LAMC3: variants seen among roughly 807,000 people sequenced by gnomAD.
LAMC3 encodes laminin subunit gamma-3.
Under a neutral mutation model 173.8 loss-of-function variants are expected in LAMC3, and 128 were observed. The observed-to-expected ratio is 0.74, with a 90% CI of 0.64 to 0.85. The LOEUF is 0.85. Ranked by LOEUF, LAMC3 falls within the 40% of genes least tolerant of loss-of-function variation. The probability of loss-of-function intolerance (pLI) is 0.00; values close to 1 mark genes in which losing one functional copy is unlikely to be tolerated. For synonymous variants in LAMC3, 897 were observed against 909.1 expected (o/e 0.99, Z 0.24); for missense variants, 2,022 against 2,156.0 (o/e 0.94, Z 1.23).
chr9:131,062,625 T>C (rs903356123), intron 13 of LAMC3, among the ~76,000 whole-genome samples: 10 of 152,114 alleles, frequency 6.6e-5, no homozygotes, highest in African/African-American at 2.4e-4. Context: ...TCTCAGCACT[T>C]TGCGAGGCTG....
chr9:131,024,963 G>T (rs192646429), intron 1 of LAMC3, among the ~76,000 whole-genome samples: 2 of 152,206 alleles, frequency 1.3e-5, no homozygotes, highest in East Asian at 3.9e-4. Flanking sequence ...CTGTGAGGAG[G>T]GGGTACCTGG....
At position 131,082,114 on chromosome 9, in the gene LAMC3, C is replaced by T. The variant is rs770508488; in HGVS notation, c.3983C>T (p.Ala1328Val). Residue 1328 changes from alanine (A) to valine (V), a missense_variant, in exon 24 of 28, where the codon GCG (alanine) becomes GTG (valine). Ala to Val is a moderately conservative substitution (Grantham distance 64, BLOSUM62 0). Transcript: ENST00000361069. ...CAGGCTTCCTCATCTGTCCAGGCTG[C>T]GACAGTGACTGTCATGGGAGCCAGG... ...LTQASSSVQA[A>V]TVTVMGARTL... is the part of the protein sequence containing the mutation. 7 of 1,613,740 alleles carry T rather than the reference C, an allele frequency of 4.3e-6. No homozygotes were observed. The highest frequency in any genetic ancestry group is 1.3e-5 in the African/African-American group (1 of 74,928).
At chr9:131,078,117 A>G (rs189975726) in intron 22 of LAMC3, among the ~76,000 whole-genome samples, 3 of 152,212 alleles carry the variant, frequency 2.0e-5, no homozygotes, top group Admixed American at 1.3e-4. Context: ...ATCGCCTTAT[A>G]CTCATCACCT....
chr9:131,049,206 G>A lies in LAMC3; in HGVS notation c.1630+76G>A, dbSNP rs974528221. 5.8e-6 allele frequency: 5 copies of A among 856,894 alleles called. No homozygotes were observed. In the East Asian group the frequency reaches 1.1e-4, roughly 18 times the overall value. 53.1% of individuals were successfully genotyped at this position (856,894 alleles called of 1,614,324 possible). A position where few individuals can be genotyped will look rare whatever the true frequency, so the allele number is the denominator to read the frequency against. On this transcript the variant is annotated intron_variant, in intron 9 of 27. Coordinates refer to ENST00000361069, the MANE Select transcript of LAMC3 (RefSeq NM_006059.4). The stretch of plus-strand genomic sequence containing the variant: ...CTGCTAAACAACTTGCCGCATATTA[G>A]AGGCTGAAAACAATGCCAGTTTATT...
At position 131,082,164 on chromosome 9, in the gene LAMC3, A is replaced by G; in HGVS notation, c.4030+3A>G. 6.2e-7 allele frequency: 1 copy of G among 1,607,078 alleles called. No individual in the cohort carries two copies. Among genetic ancestry groups the G allele is most frequent in the South Asian group, 1.1e-5 (1 of 90,628 alleles). ...GACTCTGCTGGCTGATCTGGAAGGT[A>G]CGTGAGTCCAGCTGACCACTAGGCT... On this transcript the variant is annotated splice_donor_region_variant and intron_variant, in intron 24 of 27. Coordinates refer to ENST00000361069, the MANE Select transcript of LAMC3 (RefSeq NM_006059.4).
At chr9:131,032,231 G>C (rs946821828) in intron 3 of LAMC3, 56 bp downstream of exon 3, 1 of 609,580 alleles carries the variant, frequency 1.6e-6, no homozygotes, top group Admixed American at 2.0e-5. Context: ...ACCCGAGAGC[G>C]GAAGGTGGCT....
At chr9:131,013,894 G>C (rs116826851) in intron 1 of LAMC3, among the ~76,000 whole-genome samples, 1 of 152,222 alleles carries the variant, frequency 6.6e-6, no homozygotes, top group Non-Finnish European at 1.5e-5. Context: ...CCTTGGCTCC[G>C]TTCTGTCTTC....
chr9:131,046,516 G>GTTTTTTTTT (rs1443313320), intron 8 of LAMC3, among the ~76,000 whole-genome samples: 2 of 38,756 alleles, frequency 5.2e-5, no homozygotes, highest in African/African-American at 1.9e-4. Context: ...GCTAATTTTT[G>GTTTTTTTTT]TATTTTTTTT....
rs1315089169 is a variant in LAMC3 at position 131,061,089 on chromosome 9, C to T, written c.2213C>T (p.Pro738Leu). 2 of 1,614,052 alleles carry T rather than the reference C, an allele frequency of 1.2e-6. No individual in the cohort carries two copies. Among genetic ancestry groups the T allele is most frequent in the African/African-American group, 2.7e-5 (2 of 74,942 alleles). Residue 738 changes from proline (P) to leucine (L), a missense_variant, in exon 13 of 28, where the codon CCA becomes CTA. Coordinates refer to ENST00000361069, the MANE Select transcript of LAMC3 (RefSeq NM_006059.4). Reference protein sequence around the residue: ...TEGPSCERCLPGFYGNPFAGQ... With the variant: ...TEGPSCERCLLGFYGNPFAGQ... ...GGCCCATCCTGTGAACGCTGTTTGC[C>T]AGGTTTCTATGGCAACCCTTTCGCG...
intron 24 of LAMC3, among the ~76,000 whole-genome samples, chr9:131,084,638 C>G (rs66586917): frequency 3.3e-5 from 5 of 151,958 alleles, no homozygotes; most frequent in Admixed American, 6.5e-5. Flanking sequence ...GGCTCACACC[C>G]GTAATCCCAG....
chr9:131,091,585 A>G lies in LAMC3; in HGVS notation c.4526A>G (p.Gln1509Arg), dbSNP rs766822325. Residue 1509 changes from glutamine (Q) to arginine (R), a missense_variant, in exon 28 of 28, where the codon CAG becomes CGG. Gln to Arg is a conservative substitution (Grantham distance 43). Transcript: ENST00000361069. ...QAPAQALNETQWALERLRLQL... is the reference protein window; with the variant it reads ...QAPAQALNETRWALERLRLQL... Reference sequence around the variant, plus strand: ...CCAGCCCAGGCCCTGAACGAGACTCAGTGGGCACTAGAACGCCTGAGGCTG... The same window carrying G: ...CCAGCCCAGGCCCTGAACGAGACTCGGTGGGCACTAGAACGCCTGAGGCTG... 3.1e-6 allele frequency: 5 copies of G among 1,591,202 alleles called. No homozygotes were observed. Among genetic ancestry groups the G allele is most frequent in the Non-Finnish European group, 1.7e-6 (2 of 1,169,072 alleles).
rs140170613 is a variant in LAMC3, at chr9:131,068,196, C to G, written c.2712C>G (p.Gly904=). Residue 904 remains glycine (G), a synonymous_variant, in exon 15 of 28, where the codon GGC becomes GGG. Transcript: ENST00000361069. ...TARDCSRCYP[G]FFDLQPGRGC... is the part of the protein sequence containing the mutation. Reference sequence around the variant, plus strand: ...GGGACTGCAGCCGCTGCTACCCTGGCTTCTTCGACCTCCAGCCTGGGAGGG... The same window carrying G: ...GGGACTGCAGCCGCTGCTACCCTGGGTTCTTCGACCTCCAGCCTGGGAGGG... 284 of 1,612,372 alleles carry G rather than the reference C, an allele frequency of 1.8e-4. No homozygotes were observed. The highest frequency in any genetic ancestry group is 2.3e-4 in the Non-Finnish European group (267 of 1,179,348).
At chr9:131,031,100 G>A (rs546277401) in intron 2 of LAMC3, among the ~76,000 whole-genome samples, 3 of 152,366 alleles carry the variant, frequency 2.0e-5, no homozygotes, top group East Asian at 1.9e-4. Context: ...TCCGGTTGCC[G>A]AGCTCTCGGG....
chr9:131,032,953 C>T (rs1248527553), intron 3 of LAMC3, among the ~76,000 whole-genome samples: 1 of 152,250 alleles, frequency 6.6e-6, no homozygotes, highest in Non-Finnish European at 1.5e-5. Context: ...CAGGCATGAG[C>T]CACGGCCCCC....
At chr9:131,079,360 C>T in intron 23 of LAMC3, 62 bp downstream of exon 23, 2 of 1,594,780 alleles carry the variant, frequency 1.3e-6, no homozygotes, top group South Asian at 1.1e-5. Flanking sequence ...TGAAGGTGAT[C>T]CAGGGTCAGG....
At chr9:131,088,993 G>C (rs529903529) in intron 27 of LAMC3, among the ~76,000 whole-genome samples, 32 of 152,216 alleles carry the variant, frequency 2.1e-4, no homozygotes, top group African/African-American at 7.2e-4. Flanking sequence ...GCTGAGGCAG[G>C]AGAATCGCTT....
At chr9:131,067,888 G>C (rs1466607377) in intron 14 of LAMC3, among the ~76,000 whole-genome samples, 190 bp from the exon 15 acceptor site, 1 of 152,184 alleles carries the variant, frequency 6.6e-6, no homozygotes. Flanking sequence ...GTCCCTCTAA[G>C]GATATAGTCA....
intron 7 of LAMC3, among the ~76,000 whole-genome samples, chr9:131,044,538 C>T (rs571134612): frequency 4.1e-4 from 63 of 152,242 alleles, no homozygotes; most frequent in African/African-American, 1.4e-3. Flanking sequence ...CTTGAGCCAC[C>T]GCGTCCGGCC....
rs530928835 is a variant in LAMC3 at position 131,023,577 on chromosome 9, T to C, written c.374-2708T>C. On this transcript the variant is annotated intron_variant, in intron 1 of 27. Transcript: ENST00000361069. ...TTCTTGGCCATTCATATATCCACTT[T>C]GCAGAAATGTCTATTCAAAACCTTT... Among the ~76,000 whole-genome samples the C allele has an allele frequency of 5.6e-4, 86 of 152,334 alleles. 1 individual carries two copies. In the South Asian group the frequency reaches 7.7e-3, roughly 14 times the overall value.
Sources: allele counts gnomAD v4.1 joint callset (sites outside exome capture counted in the v4.1 genomes callset), GRCh38; gene constraint gnomAD v4.1.1; transcripts MANE v1.5; gene names NCBI Gene and HGNC (gene_info 2026-07-23, HGNC 2026-07-21).